The following DHX37 variants were observed in gnomAD, a reference collection of about 807,000 sequenced individuals.
DHX37 encodes the protein probable ATP-dependent RNA helicase DHX37.
A neutral mutation model predicts 134.3 loss-of-function variants in DHX37; 52 were observed. That is an observed-to-expected ratio of 0.39 (90% CI 0.31 to 0.49). The LOEUF (loss-of-function observed/expected upper bound fraction) is 0.49, where lower values mean the gene tolerates loss of function less well. Among genes scored for constraint, DHX37 ranks in the 20% least tolerant of loss-of-function variants. The probability of loss-of-function intolerance (pLI) is 0.93; values close to 1 mark genes in which losing one functional copy is unlikely to be tolerated. For missense variants in DHX37, 1,344 were observed against 1,580.8 expected (o/e 0.85, Z 2.54); for synonymous variants, 634 against 670.7 (o/e 0.95, Z 0.85).
chr12:124,958,367 A>G (rs544386623), intron 16 of DHX37, among the ~76,000 whole-genome samples: 2 of 152,202 alleles, frequency 1.3e-5, no homozygotes, highest in African/African-American at 2.4e-5. Flanking sequence ...AGGGGAAGCC[A>G]CTGCGGAGTT....
At chr12:124,964,723 G>A (rs971839409) in intron 14 of DHX37, 97 bp from the exon 15 acceptor site, 5 of 1,540,332 alleles carry the variant, frequency 3.2e-6, no homozygotes, top group African/African-American at 2.8e-5. Context: ...CTGGTGTGCT[G>A]GAGACGTAGC....
At position 124,960,358 on chromosome 12, in the gene DHX37, G is replaced by T; in HGVS notation, c.2111C>A (p.Pro704His). ...CATTTGAAGGATTAAGTCTTCAACAGGCCTCCGGGTGATTTCTGGAGGAGG... is the reference window on the plus strand; with the variant it reads ...CATTTGAAGGATTAAGTCTTCAACATGCCTCCGGGTGATTTCTGGAGGAGG... ...QFPPPEITRR[P>H]VEDLILQMKA... Residue 704 changes from proline (P) to histidine (H), a missense_variant, in exon 16 of 27, where the codon CCT (proline) becomes CAT (histidine). Pro to His is a moderately conservative substitution (Grantham distance 77, BLOSUM62 -2). Coordinates refer to ENST00000308736, the MANE Select transcript of DHX37 (RefSeq NM_032656.4). The T allele has an allele frequency of 6.2e-7, 1 of 1,614,198 alleles. No homozygotes were observed. The highest frequency in any genetic ancestry group is 8.5e-7 in the Non-Finnish European group (1 of 1,180,004).
chr12:124,975,065 C>T (rs1176297288), intron 6 of DHX37, among the ~76,000 whole-genome samples: 2 of 152,186 alleles, frequency 1.3e-5, no homozygotes, highest in Non-Finnish European at 1.5e-5. Context: ...CGTGAGCCAC[C>T]ACACCCGGCC....
At position 124,952,523 on chromosome 12, in the gene DHX37, G is replaced by A; in HGVS notation, c.2743C>T (p.Gln915Ter). 6.5e-7 allele frequency: 1 copy of A among 1,547,778 alleles called. No homozygotes were observed. Among genetic ancestry groups the A allele is most frequent in the Non-Finnish European group, 8.7e-7 (1 of 1,145,826 alleles). Residue 915 changes from glutamine to a stop codon, truncating the protein, a stop_gained, in exon 21 of 27, where the codon CAG becomes TAG. Coordinates refer to ENST00000308736, the MANE Select transcript of DHX37 (RefSeq NM_032656.4). LOFTEE classifies it high-confidence loss of function. ...EAELFVDPKMQPPTESQVTYL... is the reference protein window; with the variant it reads ...EAELFVDPKM ...GTCACCTGGCTCTCGGTGGGCGGCTGCATCTTGGGATCCACGAAGAGCTCA... is the reference window on the plus strand; with the variant it reads ...GTCACCTGGCTCTCGGTGGGCGGCTACATCTTGGGATCCACGAAGAGCTCA...
rs766976279 is a variant in DHX37 at position 124,956,786 on chromosome 12, CT to C, written c.2357del (p.Lys786ArgfsTer5). On this transcript the variant is annotated frameshift_variant, in exon 18 of 27. Coordinates refer to ENST00000308736, the MANE Select transcript of DHX37 (RefSeq NM_032656.4). LOFTEE classifies it high-confidence loss of function. ...CGTGTTGTCGGCTCAGTGCCAGCAT[CT>C]TAGCGTAGCGGGGTGCCACGGGGAA... The part of the protein sequence containing the change: ...ATFPVAPRYA[K>X]MLALSRQHGC... 2.5e-6 allele frequency: 4 copies of C among 1,612,206 alleles called. No individual in the cohort carries two copies. The highest frequency in any genetic ancestry group is 3.4e-6 in the Non-Finnish European group (4 of 1,178,616).
chr12:124,948,013 C>A (rs756408707), intron 26 of DHX37, 71 bp downstream of exon 26: 76 of 1,613,796 alleles, frequency 4.7e-5, no homozygotes, highest in Non-Finnish European at 6.4e-5. Context: ...TGACCGTGCA[C>A]AAAGCACAAA....
At position 124,960,361 on chromosome 12, in the gene DHX37, C is replaced by G; in HGVS notation, c.2108G>C (p.Arg703Thr). ...EQFPPPEITR[R>T]PVEDLILQMK... ...TTGAAGGATTAAGTCTTCAACAGGC[C>G]TCCGGGTGATTTCTGGAGGAGGAAA... Residue 703 changes from arginine (R) to threonine (T), a missense_variant, in exon 16 of 27, where the codon AGG (arginine) becomes ACG (threonine). Transcript: ENST00000308736. The G allele has an allele frequency of 3.7e-6, 6 of 1,614,146 alleles. No individual in the cohort carries two copies. Among genetic ancestry groups the G allele is most frequent in the Non-Finnish European group, 5.1e-6 (6 of 1,180,004 alleles).
intron 18 of DHX37, 31 bp from the exon 19 acceptor site, chr12:124,954,242 G>GGGGCCTCGGCTGCGCTCA (rs1200850676): frequency 1.3e-6 from 2 of 1,537,530 alleles, no homozygotes; most frequent in Non-Finnish European, 1.8e-6. Context: ...TGTCTGGGCT[G>GGGGCCTCGGCTGCGCTCA]GGGCCTCGGC....
intron 15 of DHX37, among the ~76,000 whole-genome samples, chr12:124,961,739 A>G (rs1248193890): frequency 6.6e-6 from 1 of 152,162 alleles, no homozygotes; most frequent in Non-Finnish European, 1.5e-5. Context: ...AAGAACTCTT[A>G]CAGATCAATA....
chr12:124,978,608 G>A (rs1422764596), intron 4 of DHX37, among the ~76,000 whole-genome samples: 4 of 145,490 alleles, frequency 2.7e-5, no homozygotes, highest in African/African-American at 2.5e-5. Context: ...GTGAGCCATC[G>A]TGCCTGGCCT....
chr12:124,954,109 G>A lies in DHX37; in HGVS notation c.2556C>T (p.Leu852=), dbSNP rs200490767. 10 of 1,610,076 alleles carry A rather than the reference G, an allele frequency of 6.2e-6. No homozygotes were observed. The highest frequency in any genetic ancestry group is 2.7e-5 in the African/African-American group (2 of 74,958). Residue 852 remains leucine, a synonymous_variant, in exon 19 of 27, where the codon CTC becomes CTT. Transcript: ENST00000308736. ...TWAGQGASLK[L]GDLMVLLGAV... ...AACCCAGCAGCACCATGAGGTCGCC[G>A]AGCTTCAGAGAAGCCCCCTGCCCTG... is the stretch of plus-strand genomic sequence containing the variant.
chr12:124,969,731 C>T (rs6488964), intron 8 of DHX37, among the ~76,000 whole-genome samples: 1 of 151,742 alleles, frequency 6.6e-6, no homozygotes, highest in Non-Finnish European at 1.5e-5. Flanking sequence ...ACTGCTGGTG[C>T]GGAAGTACCA....
intron 5 of DHX37, among the ~76,000 whole-genome samples, chr12:124,976,317 T>G (rs993055705): frequency 2.0e-5 from 3 of 152,222 alleles, no homozygotes; most frequent in South Asian, 4.1e-4. Flanking sequence ...GATAACATGC[T>G]GAGTCCTGGG....
rs772346841 is a variant in DHX37 at position 124,982,628 on chromosome 12, G to C, written c.277-5C>G. 2 of 1,612,548 alleles carry C rather than the reference G, an allele frequency of 1.2e-6. No homozygotes were observed. Among genetic ancestry groups the C allele is most frequent in the Non-Finnish European group, 1.7e-6 (2 of 1,179,144 alleles). ...CTTCTGTAGCATCTCTGCTCGCTGG[G>C]AAAGGAAACGAGTGTATTATGCATT... On this transcript the variant is annotated splice_region_variant and splice_polypyrimidine_tract_variant and intron_variant, in intron 2 of 26. Coordinates refer to ENST00000308736, the MANE Select transcript of DHX37 (RefSeq NM_032656.4).
In DHX37 at chr12:124,947,689, T is replaced by C; in HGVS notation, c.*113A>G. 1 of 1,364,170 alleles carries C rather than the reference T, an allele frequency of 7.3e-7. No individual in the cohort carries two copies. The highest frequency in any genetic ancestry group is 9.8e-7 in the Non-Finnish European group (1 of 1,022,890). The allele number at this position is 1,364,170 out of a possible 1,614,324, so 84.5% of individuals were successfully genotyped here. A position where few individuals can be genotyped will look rare whatever the true frequency, so the allele number is the denominator to read the frequency against. On this transcript the variant is annotated 3_prime_UTR_variant, in exon 27 of 27. Transcript: ENST00000308736. The stretch of plus-strand genomic sequence containing the variant: ...GAGGGTTCCCAGGGCTTGACCCACT[T>C]CCTGAGAGCAGGCCACGAAGCCCAT...
intron 10 of DHX37, among the ~76,000 whole-genome samples, chr12:124,968,218 G>A (rs757720201): frequency 1.3e-5 from 2 of 152,120 alleles, no homozygotes; most frequent in Non-Finnish European, 2.9e-5. Flanking sequence ...CGTGACTCTT[G>A]GGGGGATGTG....
Position 124,967,134 on chromosome 12 carries a change from G to A in DHX37, c.1493C>T (p.Ala498Val). ...RLRKAFPPSR[A>V]RPQEKDDDQK... ...GGCGTCCTCTTTACCTTGTGGCCGGGCTCTGGAGGGTGGGAAAGCCTTCCT... is the reference window on the plus strand; with the variant it reads ...GGCGTCCTCTTTACCTTGTGGCCGGACTCTGGAGGGTGGGAAAGCCTTCCT... Residue 498 changes from alanine to valine, a missense_variant, in exon 11 of 27, where the codon GCC (alanine) becomes GTC (valine). This residue lies in a region of DHX37 where 289 missense variants were observed against 323.8 expected (regional missense o/e 0.89). Transcript: ENST00000308736. 1.9e-6 allele frequency: 3 copies of A among 1,613,712 alleles called. No individual in the cohort carries two copies. The highest frequency in any genetic ancestry group is 2.5e-6 in the Non-Finnish European group (3 of 1,180,018).
intron 8 of DHX37, among the ~76,000 whole-genome samples, chr12:124,969,686 T>C (rs1027321277): frequency 9.9e-5 from 15 of 151,966 alleles, no homozygotes; most frequent in Non-Finnish European, 1.6e-4. Context: ...AAACGACAAG[T>C]GCTGGCAGGA....
chr12:124,953,747 T>G, intron 20 of DHX37, 133 bp downstream of exon 20: 5 of 1,388,026 alleles, frequency 3.6e-6, no homozygotes, highest in Non-Finnish European at 4.8e-6. Context: ...AAGTATTGAT[T>G]TAGGGTTATA....
Sources: allele counts gnomAD v4.1 joint callset (sites outside exome capture counted in the v4.1 genomes callset), GRCh38; gene constraint gnomAD v4.1.1; regional missense constraint gnomAD v4.1.1; transcripts MANE v1.5; gene names NCBI Gene and HGNC (gene_info 2026-07-23, HGNC 2026-07-21).